The following WWOX variants were observed in gnomAD, a reference collection of about 807,000 sequenced individuals.
WWOX encodes the protein WW domain-containing oxidoreductase.
WWOX carries 69 observed loss-of-function variants against 46.2 expected under a neutral mutation model. That is an observed-to-expected ratio of 1.49 (90% CI 1.23 to 1.82). The LOEUF (loss-of-function observed/expected upper bound fraction) is 1.82, where lower values mean the gene tolerates loss of function less well. WWOX is among the 40% of genes most tolerant of loss of function. WWOX has a pLI of 0.00. For synonymous variants in WWOX, 359 were observed against 202.6 expected (o/e 1.77, Z -6.56); for missense variants, 919 against 542.6 (o/e 1.69, Z -6.89).
At chr16:78,558,099 C>A (rs188168510) in intron 8 of WWOX, among the ~76,000 whole-genome samples, 5 of 152,180 alleles carry the variant, frequency 3.3e-5, no homozygotes, top group African/African-American at 1.2e-4. Flanking sequence ...TCTGAAGGCC[C>A]CGGCTCATTC....
intron 8 of WWOX, among the ~76,000 whole-genome samples, chr16:78,789,755 G>T (rs2050547223): frequency 6.6e-6 from 1 of 152,124 alleles, no homozygotes; most frequent in Non-Finnish European, 1.5e-5. Context: ...CGGTTGGCCA[G>T]CTCCCAAACA....
intron 8 of WWOX, among the ~76,000 whole-genome samples, chr16:78,832,180 C>G (rs969599125): frequency 6.6e-6 from 1 of 152,110 alleles, no homozygotes; most frequent in African/African-American, 2.4e-5. Flanking sequence ...GAATCCTTGA[C>G]TGAAGGGGAG....
intron 8 of WWOX, among the ~76,000 whole-genome samples, chr16:78,722,948 A>G (rs2048729705): frequency 6.6e-6 from 1 of 152,148 alleles, no homozygotes; most frequent in African/African-American, 2.4e-5. Context: ...AGGCTGAGGC[A>G]GGAAGATTGC....
At chr16:78,750,354 C>T (rs7198083) in intron 8 of WWOX, among the ~76,000 whole-genome samples, 5,527 of 152,214 alleles carry the variant, frequency 0.036, 339 homozygotes, top group African/African-American at 0.13. Flanking sequence ...GGGACCAGGA[C>T]TCCTAGTTGT....
At position 78,817,503 on chromosome 16, in the gene WWOX, A is replaced by G. The variant is rs76602448; in HGVS notation, c.1056+384751A>G. Among the ~76,000 whole-genome samples, 949 of 152,296 alleles carry G rather than the reference A, an allele frequency of 6.2e-3. 4 individuals are homozygous for G. The highest frequency in any genetic ancestry group is 0.022 in the African/African-American group (897 of 41,550). The stretch of plus-strand genomic sequence containing the variant: ...ATGTGCATAAGGCACACTGCAAAAT[A>G]GATGTACAGCTTGGCTGAACTTTGC... On this transcript the variant is annotated intron_variant, in intron 8 of 8. Transcript: ENST00000566780.
intron 8 of WWOX, among the ~76,000 whole-genome samples, chr16:78,744,477 G>C (rs2049302104): frequency 7.2e-6 from 1 of 138,458 alleles, no homozygotes; most frequent in Admixed American, 7.5e-5. Flanking sequence ...TCTCACCCAG[G>C]CTGGAGTGCA....
intron 8 of WWOX, among the ~76,000 whole-genome samples, chr16:78,656,491 G>A (rs1125676): frequency 0.69 from 105,213 of 152,082 alleles, 37,512 homozygotes; most frequent in Middle Eastern, 0.82. Flanking sequence ...TGAAAGGGAA[G>A]CAGGCATGTT....
In WWOX at chr16:79,025,347, G is replaced by C. The variant is rs1047926546; in HGVS notation, c.1057-186261G>C. Among the ~76,000 whole-genome samples, 7 of 152,280 alleles carry C rather than the reference G, an allele frequency of 4.6e-5. No homozygotes were observed. The East Asian group carries it at 5.8e-4, about 13-fold the overall frequency. On this transcript the variant is annotated intron_variant, in intron 8 of 8. Transcript: ENST00000566780. The stretch of plus-strand genomic sequence containing the variant: ...CAAAAGATATGTTCACTGGAACCTA[G>C]ACATTTGAGAAAAAGGGTCTTTGCA...
chr16:78,743,577 A>G (rs1215940480), intron 8 of WWOX, among the ~76,000 whole-genome samples: 4 of 152,144 alleles, frequency 2.6e-5, no homozygotes, highest in African/African-American at 9.7e-5. Context: ...ACTTTCCACA[A>G]CTAAGTTATA....
At chr16:78,522,877 G>T (rs1232168003) in intron 8 of WWOX, among the ~76,000 whole-genome samples, 1 of 152,172 alleles carries the variant, frequency 6.6e-6, no homozygotes, top group South Asian at 2.1e-4. Flanking sequence ...TTTGAGACCA[G>T]CCTGGCCAAC....
chr16:78,395,222 C>G (rs1426620734), intron 6 of WWOX, among the ~76,000 whole-genome samples: 2 of 152,282 alleles, frequency 1.3e-5, no homozygotes, highest in East Asian at 3.9e-4. Context: ...TAAGGGCTTT[C>G]ACAATCGTTT....
intron 8 of WWOX, chr16:78,898,442 C>T (rs1321357943): frequency 3.9e-5 from 6 of 152,108 alleles, no homozygotes; most frequent in Non-Finnish European, 7.4e-5. Context: ...TGTCAAAAAT[C>T]AGTTGACTAT....
rs4035490 is a variant in WWOX at position 79,070,268 on chromosome 16, ATGTGTG to A, written c.1057-141306_1057-141301del. On this transcript the variant is annotated intron_variant, in intron 8 of 8. Coordinates refer to ENST00000566780, the MANE Select transcript of WWOX (RefSeq NM_016373.4). Reference sequence around the variant, plus strand: ...GTTTGTTCTTAGGAATGTGTTTCTGATGTGTGTGTGTGTGTGTGTGTGTGTGTGTGT... The same window carrying A: ...GTTTGTTCTTAGGAATGTGTTTCTGATGTGTGTGTGTGTGTGTGTGTGTGT... Among the ~76,000 whole-genome samples, 384 of 145,154 alleles carry A rather than the reference ATGTGTG, an allele frequency of 2.6e-3. 2 individuals are homozygous for A. Among genetic ancestry groups the A allele is most frequent in the African/African-American group, 5.1e-3 (201 of 39,264 alleles).
At chr16:78,749,090 C>G (rs1476707580) in intron 8 of WWOX, among the ~76,000 whole-genome samples, 2 of 152,142 alleles carry the variant, frequency 1.3e-5, no homozygotes, top group Admixed American at 6.5e-5. Context: ...TGTTTTAGTG[C>G]TTAGGGGTTG....
chr16:78,136,739 T>TGG (rs1215060624), intron 4 of WWOX, among the ~76,000 whole-genome samples: 2 of 152,200 alleles, frequency 1.3e-5, no homozygotes, highest in Admixed American at 6.5e-5. Context: ...ACTACCTAAC[T>TGG]GAGCAGTAAG....
intron 8 of WWOX, among the ~76,000 whole-genome samples, chr16:78,587,570 G>T (rs2045243932): frequency 6.6e-6 from 1 of 152,048 alleles, no homozygotes; most frequent in Non-Finnish European, 1.5e-5. Context: ...GCCCTCCCCT[G>T]ATTACCGTAA....
At chr16:78,360,197 A>G (rs996140318) in intron 5 of WWOX, among the ~76,000 whole-genome samples, 3 of 152,220 alleles carry the variant, frequency 2.0e-5, no homozygotes, top group Admixed American at 6.5e-5. Context: ...TTTTGACACC[A>G]GATATTGTGA....
At chr16:78,519,826 A>G (rs1597204278) in intron 8 of WWOX, among the ~76,000 whole-genome samples, 1 of 152,086 alleles carries the variant, frequency 6.6e-6, no homozygotes, top group African/African-American at 2.4e-5. Context: ...TTTATCTTGA[A>G]CTTCCAGCCC....
intron 8 of WWOX, among the ~76,000 whole-genome samples, chr16:79,075,663 C>A (rs910895323): frequency 6.6e-6 from 1 of 151,976 alleles, no homozygotes; most frequent in African/African-American, 2.4e-5. Flanking sequence ...AGTGATTCTC[C>A]TGCCTTAGCC....
Sources: allele counts gnomAD v4.1 joint callset (sites outside exome capture counted in the v4.1 genomes callset), GRCh38; gene constraint gnomAD v4.1.1; transcripts MANE v1.5; gene names NCBI Gene and HGNC (gene_info 2026-07-23, HGNC 2026-07-21).